The following DMD variants were observed in gnomAD, a reference collection of about 807,000 sequenced individuals.
DMD encodes dystrophin, also known as mutant dystrophin.
DMD carries 63 observed loss-of-function variants against 330.1 expected under a neutral mutation model. The observed-to-expected ratio is 0.19, with a 90% CI of 0.16 to 0.24. The LOEUF (loss-of-function observed/expected upper bound fraction) is 0.24, where lower values mean the gene tolerates loss of function less well. DMD is among the 10% of genes least tolerant of loss of function. DMD has a pLI of 1.00. For missense variants in DMD, 3,344 were observed against 2,684.1 expected (o/e 1.25, Z -5.43); for synonymous variants, 1,223 against 959.8 (o/e 1.27, Z -5.07).
At chrX:32,822,403 T>G (rs2078335893) in intron 5 of DMD, among the ~76,000 whole-genome samples, 1 of 110,810 alleles carries the variant, frequency 9.0e-6, no homozygotes, top group Non-Finnish European at 1.9e-5. Flanking sequence ...TATACATATG[T>G]GTATAACGAG....
chrX:32,846,991 G>C (rs745444851), intron 3 of DMD, among the ~76,000 whole-genome samples: 14 of 109,646 alleles, frequency 1.3e-4, no homozygotes, highest in Non-Finnish European at 2.1e-4. Context: ...GGGCGACAGA[G>C]TAAGATTCCA....
chrX:32,697,845 C>A (rs369479377), intron 9 of DMD, 25 bp downstream of exon 9: 11 of 1,207,677 alleles, frequency 9.1e-6, no homozygotes, highest in East Asian at 3.0e-5. Flanking sequence ...CTGGTTTGTA[C>A]AACAGAGAGT....
At chrX:33,310,069 A>G in intron 1 of DMD, among the ~76,000 whole-genome samples, 1 of 110,984 alleles carries the variant, frequency 9.0e-6, no homozygotes, top group Non-Finnish European at 1.9e-5. Context: ...ACCTTTTTCT[A>G]CTGAAAAGGT....
intron 57 of DMD, 128 bp from the exon 58 acceptor site, chrX:31,479,231 T>G (rs997655068): frequency 1.3e-6 from 1 of 770,476 alleles, no homozygotes; most frequent in African/African-American, 2.1e-5. Flanking sequence ...TATACACTGA[T>G]GGTTATAAAA....
At chrX:32,997,551 C>A (rs1424908201) in intron 2 of DMD, among the ~76,000 whole-genome samples, 2 of 112,054 alleles carry the variant, frequency 1.8e-5, no homozygotes, top group Admixed American at 9.5e-5. Context: ...GCCCCTCTCA[C>A]CTTTTGAAGT....
intron 43 of DMD, among the ~76,000 whole-genome samples, chrX:32,244,085 C>T (rs1231236076): frequency 3.2e-5 from 3 of 92,870 alleles, no homozygotes; most frequent in Non-Finnish European, 6.5e-5. Context: ...AGGTATATCT[C>T]CCAATGCTAT....
intron 17 of DMD, among the ~76,000 whole-genome samples, chrX:32,525,556 C>T (rs1043616021): frequency 1.8e-5 from 2 of 111,830 alleles, no homozygotes; most frequent in Middle Eastern, 4.6e-3. Flanking sequence ...TTCCAAGAAG[C>T]AATTGCACGT....
chrX:32,415,394 T>C (rs2098162364), intron 29 of DMD, among the ~76,000 whole-genome samples: 1 of 111,885 alleles, frequency 8.9e-6, no homozygotes, highest in African/African-American at 3.3e-5. Flanking sequence ...TCCTTGATTA[T>C]CTCAGTCATT....
At chrX:32,122,026 T>C (rs892688783) in intron 44 of DMD, among the ~76,000 whole-genome samples, 5 of 110,934 alleles carry the variant, frequency 4.5e-5, no homozygotes, top group African/African-American at 1.6e-4. Flanking sequence ...GTGACCCAGG[T>C]CTTCAGCACC....
chrX:32,660,300 G>T (rs866846587), intron 9 of DMD, among the ~76,000 whole-genome samples: 1 of 110,801 alleles, frequency 9.0e-6, no homozygotes, highest in South Asian at 3.8e-4. Flanking sequence ...TTCTGATTTG[G>T]TGAAGATACT....
intron 55 of DMD, among the ~76,000 whole-genome samples, chrX:31,579,348 G>A (rs1378633448): frequency 8.9e-6 from 1 of 112,388 alleles, no homozygotes; most frequent in Non-Finnish European, 1.9e-5. Context: ...AGTGCAAAGA[G>A]TTCGCTAGAG....
At chrX:32,738,548 A>T (rs1243297035) in intron 7 of DMD, among the ~76,000 whole-genome samples, 2 of 111,871 alleles carry the variant, frequency 1.8e-5, no homozygotes, top group East Asian at 5.6e-4. Flanking sequence ...GCTCATATTA[A>T]ATATTAGCTA....
intron 60 of DMD, among the ~76,000 whole-genome samples, chrX:31,378,964 C>T (rs2060020592): frequency 9.0e-6 from 1 of 110,990 alleles, no homozygotes; most frequent in Admixed American, 9.6e-5. Flanking sequence ...ATCCTACAAG[C>T]TCTAAATAAT....
chrX:31,869,661 A>G (rs12558306), intron 48 of DMD, among the ~76,000 whole-genome samples: 41,259 of 107,577 alleles, frequency 0.38, 6,115 homozygotes, highest in Admixed American at 0.49. Flanking sequence ...CACAATATCT[A>G]AAGAAGCCCT....
chrX:33,075,512 A>C (rs1016843855), intron 1 of DMD, among the ~76,000 whole-genome samples: 5 of 112,468 alleles, frequency 4.4e-5, no homozygotes, highest in Non-Finnish European at 7.5e-5. Flanking sequence ...GTGCAGATAC[A>C]TTCTGAGCCT....
chrX:31,722,721 A>C (rs16998217), intron 52 of DMD, among the ~76,000 whole-genome samples: 28,129 of 109,885 alleles, frequency 0.26, 3,796 homozygotes, highest in African/African-American at 0.49. Context: ...CAGCAGCAGA[A>C]AAAGGAAACC....
intron 16 of DMD, among the ~76,000 whole-genome samples, chrX:32,560,283 C>T (rs893171638): frequency 1.0e-4 from 11 of 109,273 alleles, no homozygotes; most frequent in South Asian, 3.9e-4. Context: ...CAATTTATGG[C>T]GTAATATGAT....
intron 60 of DMD, among the ~76,000 whole-genome samples, chrX:31,392,526 A>G (rs2060727009): frequency 8.9e-6 from 1 of 112,088 alleles, no homozygotes; most frequent in Admixed American, 9.5e-5. Context: ...CCTGGTGTCA[A>G]GATTGGGTCT....
At chrX:32,958,811 G>A (rs2091737324) in intron 2 of DMD, among the ~76,000 whole-genome samples, 1 of 110,695 alleles carries the variant, frequency 9.0e-6, no homozygotes, top group South Asian at 3.8e-4. Flanking sequence ...ATGTTACCCA[G>A]ATAAACTATT....
Sources: allele counts gnomAD v4.1 joint callset (sites outside exome capture counted in the v4.1 genomes callset), GRCh38; gene constraint gnomAD v4.1.1; transcripts MANE v1.5; gene names NCBI Gene and HGNC (gene_info 2026-07-23, HGNC 2026-07-21).